Variants in CDH2 observed in about 807,000 individuals in gnomAD.
CDH2 encodes the protein cadherin 2, also known as cadherin-2.
CDH2 carries 17 observed loss-of-function variants against 92.0 expected under a neutral mutation model. The ratio of observed to expected loss-of-function variants is 0.18; its 90% CI spans 0.13 to 0.28. CDH2 has a LOEUF of 0.28. Among genes scored for constraint, CDH2 ranks in the 10% least tolerant of loss-of-function variants. CDH2 has a pLI of 1.00. For synonymous variants in CDH2, 419 were observed against 415.9 expected, an observed-to-expected ratio of 1.01 and a Z score of -0.09; for missense variants, 862 against 1,133.1, an observed-to-expected ratio of 0.76 and a Z score of 3.44.
At chr18:28,109,856 A>G (rs1210020273) in intron 2 of CDH2, among the ~76,000 whole-genome samples, 4 of 152,236 alleles carry the variant, frequency 2.6e-5, no homozygotes, top group African/African-American at 9.6e-5. Context: ...CAGCATGTAT[A>G]AAGTGTTATT....
chr18:28,059,940 T>C (rs2014368069), intron 2 of CDH2, among the ~76,000 whole-genome samples: 1 of 152,232 alleles, frequency 6.6e-6, no homozygotes, highest in Non-Finnish European at 1.5e-5. Context: ...CCCTGCGATC[T>C]AGATTTTGCA....
intron 2 of CDH2, among the ~76,000 whole-genome samples, chr18:28,126,027 G>A (rs1340789668): frequency 1.3e-5 from 2 of 152,060 alleles, no homozygotes; most frequent in Non-Finnish European, 2.9e-5. Flanking sequence ...ACTTTGAACT[G>A]CTGGACAAGG....
At chr18:28,163,837 G>T (rs527646948) in intron 1 of CDH2, among the ~76,000 whole-genome samples, 2 of 152,070 alleles carry the variant, frequency 1.3e-5, no homozygotes, top group Non-Finnish European at 2.9e-5. Context: ...TGTCTATATA[G>T]ATGATAAAAC....
At chr18:28,067,091 C>A (rs2144158664) in intron 2 of CDH2, among the ~76,000 whole-genome samples, 1 of 152,164 alleles carries the variant, frequency 6.6e-6, no homozygotes, top group African/African-American at 2.4e-5. Flanking sequence ...TATAAAAAAA[C>A]CTTCACAAAA....
chr18:28,130,550 GAA>G (rs1305243495), intron 2 of CDH2, among the ~76,000 whole-genome samples: 1 of 152,216 alleles, frequency 6.6e-6, no homozygotes, highest in Non-Finnish European at 1.5e-5. Flanking sequence ...AGACACCTGT[GAA>G]ACCATGGCAC....
At chr18:27,991,621 A>T (rs1291363271) in intron 9 of CDH2, among the ~76,000 whole-genome samples, 1 of 152,200 alleles carries the variant, frequency 6.6e-6, no homozygotes, top group Non-Finnish European at 1.5e-5. Context: ...CCCTTTCTGC[A>T]TAAGAAACCT....
chr18:28,055,643 T>C (rs1202249352), intron 2 of CDH2, among the ~76,000 whole-genome samples: 1 of 152,236 alleles, frequency 6.6e-6, no homozygotes, highest in African/African-American at 2.4e-5. Flanking sequence ...AGAGCTTTAA[T>C]TGGCTTTAAA....
chr18:27,993,637 T>C lies in CDH2; in HGVS notation c.1021A>G (p.Lys341Glu), dbSNP rs1177948036. 13 of 1,605,768 alleles carry C rather than the reference T, an allele frequency of 8.1e-6. No homozygotes were observed. Among genetic ancestry groups the C allele is most frequent in the Non-Finnish European group, 1.1e-5 (13 of 1,174,578 alleles). ...ATTATTAACGTATACTGTTGCACTT[T>C]CTAAAAAGACATAAAGATAAGAACT... Reference protein sequence around the residue: ...ITVAAGLDREKVQQYTLIIQA... With the variant: ...ITVAAGLDREEVQQYTLIIQA... The change falls in exon 8 of 16, where the codon AAA becomes GAA. Residue 341 changes from lysine (K) to glutamate (E), a missense_variant and splice_region_variant. Coordinates refer to ENST00000269141, the MANE Select transcript of CDH2 (RefSeq NM_001792.5).
chr18:27,935,618 C>T (rs1908998535), intron 6 of CDH2, among the ~76,000 whole-genome samples: 1 of 152,136 alleles, frequency 6.6e-6, no homozygotes, highest in Admixed American at 6.6e-5. Flanking sequence ...TGGGTCCATT[C>T]CACTATGGTA....
intron 2 of CDH2, among the ~76,000 whole-genome samples, chr18:28,134,211 A>G (rs1284933020): frequency 6.6e-6 from 1 of 151,366 alleles, no homozygotes. Flanking sequence ...CAGAGGTTTC[A>G]GTGAGCCAAG....
intron 10 of CDH2, among the ~76,000 whole-genome samples, chr18:27,988,889 AGGG>A (rs1311042933): frequency 2.4e-4 from 37 of 152,198 alleles, no homozygotes; most frequent in Non-Finnish European, 4.4e-5. Flanking sequence ...CAGGTGTCTG[AGGG>A]ACAAGACTAG....
chr18:27,956,441 TAA>T (rs149190689), intron 15 of CDH2, among the ~76,000 whole-genome samples: 1 of 152,122 alleles, frequency 6.6e-6, no homozygotes, highest in Non-Finnish European at 1.5e-5. Context: ...TTTATGAGGA[TAA>T]AAACCCACAT....
intron 2 of CDH2, among the ~76,000 whole-genome samples, chr18:28,125,313 A>C (rs2144280312): frequency 6.6e-6 from 1 of 152,328 alleles, no homozygotes; most frequent in Non-Finnish European, 1.5e-5. Flanking sequence ...TAGGATGAAT[A>C]ATACATTAAG....
intron 6 of CDH2, among the ~76,000 whole-genome samples, chr18:27,938,725 A>G (rs1045229715): frequency 3.7e-4 from 57 of 152,138 alleles, no homozygotes; most frequent in Non-Finnish European, 7.6e-4. Flanking sequence ...TTTTTTTTAA[A>G]TCACCTCACC....
rs143141429 is a variant in CDH2 at position 28,100,508 on chromosome 18, T to C, written c.172+47165A>G. Among the ~76,000 whole-genome samples, 83 of 141,396 alleles carry C rather than the reference T, an allele frequency of 5.9e-4. 2 individuals carry two copies. In the East Asian group the frequency reaches 0.016, roughly 27 times the overall value. 92.8% of individuals were successfully genotyped at this position (141,396 alleles called of 152,430 possible). A position where few individuals can be genotyped will look rare whatever the true frequency, so the allele number is the denominator to read the frequency against. Reference sequence around the variant, plus strand: ...AGATCTTGGATCTTGTCAGATTCCATAATCCCATGAGCTAATTCCTTAGAA... The same window carrying C: ...AGATCTTGGATCTTGTCAGATTCCACAATCCCATGAGCTAATTCCTTAGAA... On this transcript the variant is annotated intron_variant, in intron 2 of 15. Transcript: ENST00000269141.
At chr18:28,174,503 G>A (rs1036297899) in intron 1 of CDH2, among the ~76,000 whole-genome samples, 4 of 152,166 alleles carry the variant, frequency 2.6e-5, no homozygotes, top group African/African-American at 7.2e-5. Context: ...TGAATTAGAG[G>A]ACTGCCAAAT....
At chr18:27,935,721 A>T (rs953291012) in intron 6 of CDH2, among the ~76,000 whole-genome samples, 2 of 152,174 alleles carry the variant, frequency 1.3e-5, no homozygotes, top group Admixed American at 6.5e-5. Context: ...ACCTTTATAG[A>T]CTTGTGCTTA....
chr18:28,076,304 T>C (rs748971498), intron 2 of CDH2, among the ~76,000 whole-genome samples: 11 of 152,168 alleles, frequency 7.2e-5, no homozygotes, highest in Non-Finnish European at 1.6e-4. Flanking sequence ...AAAGTCAGAT[T>C]GTTTTCTTAT....
intron 6 of CDH2, among the ~76,000 whole-genome samples, chr18:27,938,593 A>C (rs1909071799): frequency 6.6e-6 from 1 of 152,210 alleles, no homozygotes. Flanking sequence ...GTTTTAAAAG[A>C]TGCTACTTGT....
Sources: gnomAD v4.1 joint callset for allele counts (sites outside exome capture counted in the v4.1 genomes callset) on GRCh38, gnomAD v4.1.1 for gene constraint, MANE v1.5 for transcripts, NCBI Gene and HGNC (gene_info 2026-07-23, HGNC 2026-07-21) for gene names.